OR3A2: variants seen among roughly 807,000 people sequenced by gnomAD.
OR3A2 encodes olfactory receptor family 3 subfamily A member 2.
For missense variants in OR3A2, 318 were observed against 392.8 expected (o/e 0.81, Z 1.61); for synonymous variants, 126 against 159.3 (o/e 0.79, Z 1.57).
At chr17:3,335,548 G>C (rs981732955) in intron 3 of OR3A2, among the ~76,000 whole-genome samples, 1 of 151,920 alleles carries the variant, frequency 6.6e-6, no homozygotes, top group South Asian at 2.1e-4. Context: ...ATGTGTTTCT[G>C]ATCTGCATCT....
intron 3 of OR3A2, among the ~76,000 whole-genome samples, chr17:3,300,841 CT>C (rs1346846132): frequency 0.012 from 1,609 of 136,634 alleles, 14 homozygotes; most frequent in Middle Eastern, 0.047. Context: ...TCCCTCCCCC[CT>C]CCCCCCATCC....
intron 3 of OR3A2, among the ~76,000 whole-genome samples, chr17:3,314,642 T>G (rs2150632592): frequency 6.6e-6 from 1 of 152,330 alleles, no homozygotes; most frequent in South Asian, 2.1e-4. Flanking sequence ...CTGGTATTAT[T>G]CAAAGTTTTT....
At chr17:3,383,679 AC>A (rs1313466551) in intron 2 of OR3A2, 4 of 152,164 alleles carry the variant, frequency 2.6e-5, no homozygotes, top group African/African-American at 9.7e-5. Flanking sequence ...CTCTGATGCT[AC>A]TACTCTATAC....
At chr17:3,315,183 T>C (rs2049071607) in intron 3 of OR3A2, among the ~76,000 whole-genome samples, 1 of 152,212 alleles carries the variant, frequency 6.6e-6, no homozygotes, top group Non-Finnish European at 1.5e-5. Context: ...AATGATTTAC[T>C]CTCCTTTGGA....
In OR3A2 at chr17:3,301,704, A is replaced by C. The variant is rs542133870; in HGVS notation, c.-84-22551T>G. Among the ~76,000 whole-genome samples the C allele has an allele frequency of 1.4e-3, 209 of 152,160 alleles. 1 individual carries two copies. The highest frequency in any genetic ancestry group is 4.8e-3 in the African/African-American group (200 of 41,514). On this transcript the variant is annotated intron_variant, in intron 3 of 4. Transcript: ENST00000573491. ...AGAAGCTCTTGTTTAATTAGGTCCC[A>C]TTTGTCAATTTTGGCTTTTGTTGCC...
chr17:3,297,692 T>C (rs1053860992), intron 3 of OR3A2, among the ~76,000 whole-genome samples: 5 of 147,912 alleles, frequency 3.4e-5, no homozygotes, highest in African/African-American at 1.3e-4. Context: ...GCATTCTTAA[T>C]GCCTTGTGTC....
intron 2 of OR3A2, among the ~76,000 whole-genome samples, chr17:3,372,544 G>T (rs1425153267): frequency 6.6e-6 from 1 of 152,064 alleles, no homozygotes; most frequent in East Asian, 1.9e-4. Flanking sequence ...ATTGAGCACT[G>T]AGTGAACGAG....
rs778268183 is a variant in OR3A2, at chr17:3,311,085, G to A, written c.-85+24948C>T. 12 of 543,750 alleles carry A rather than the reference G, an allele frequency of 2.2e-5. No homozygotes were observed. Among genetic ancestry groups the A allele is most frequent in the Admixed American group, 1.2e-4 (6 of 51,920 alleles). 33.7% of individuals were successfully genotyped at this position (543,750 alleles called of 1,614,324 possible). A position where few individuals can be genotyped will look rare whatever the true frequency, so the allele number is the denominator to read the frequency against. ...GGTGGGCATCTTCTATGGGACGGGC[G>A]TCTTCAGCTACACAAGGCTGGGTTC... On this transcript the variant is annotated intron_variant, in intron 3 of 4. Transcript: ENST00000573491. This position sits in a 1 kb window ranked among gnomAD's most constrained non-coding sequence, Gnocchi z 4.6.
chr17:3,369,448 G>A (rs566002159), intron 2 of OR3A2, among the ~76,000 whole-genome samples: 1 of 152,284 alleles, frequency 6.6e-6, no homozygotes, highest in Admixed American at 6.5e-5. Flanking sequence ...ATCATAAAAG[G>A]ATGCTGGATT....
intron 2 of OR3A2, among the ~76,000 whole-genome samples, chr17:3,354,931 A>G (rs1268003112): frequency 6.6e-6 from 1 of 151,162 alleles, no homozygotes; most frequent in Non-Finnish European, 1.5e-5. Flanking sequence ...CTTTTGCTCT[A>G]TCCCATAGGT....
At chr17:3,347,962 T>C (rs912754087) in intron 2 of OR3A2, among the ~76,000 whole-genome samples, 2 of 152,214 alleles carry the variant, frequency 1.3e-5, no homozygotes, top group South Asian at 2.1e-4. Context: ...TGGTATCTCA[T>C]TGTGGTTTTG....
At chr17:3,313,574 T>G (rs932779167) in intron 3 of OR3A2, among the ~76,000 whole-genome samples, 2 of 152,254 alleles carry the variant, frequency 1.3e-5, no homozygotes, top group African/African-American at 2.4e-5. Context: ...CTTTCTCAGG[T>G]AGGCAAAGTC....
At chr17:3,335,388 C>A (rs912610846) in intron 3 of OR3A2, among the ~76,000 whole-genome samples, 1 of 152,050 alleles carries the variant, frequency 6.6e-6, no homozygotes, top group African/African-American at 2.4e-5. Flanking sequence ...TCTTTTGATA[C>A]ATTTTATAAA....
chr17:3,357,733 T>C (rs1242515517), intron 2 of OR3A2, among the ~76,000 whole-genome samples: 1 of 151,520 alleles, frequency 6.6e-6, no homozygotes, highest in Non-Finnish European at 1.5e-5. Flanking sequence ...ATTTTTTTTA[T>C]AGAGAGACAG....
intron 2 of OR3A2, among the ~76,000 whole-genome samples, chr17:3,381,318 GTT>G (rs76590302): frequency 2.8e-5 from 4 of 143,370 alleles, no homozygotes; most frequent in Admixed American, 7.0e-5. Context: ...CAAACATAGG[GTT>G]TTTTTTTTTT....
chr17:3,317,920 G>A (rs1339668116), intron 3 of OR3A2, among the ~76,000 whole-genome samples: 3 of 152,016 alleles, frequency 2.0e-5, no homozygotes, highest in Non-Finnish European at 4.4e-5. Context: ...GCCTGTAGAA[G>A]CCACAGTGTC....
intron 3 of OR3A2, among the ~76,000 whole-genome samples, chr17:3,319,323 C>T (rs1399361850): frequency 6.7e-6 from 1 of 149,310 alleles, no homozygotes; most frequent in Non-Finnish European, 1.5e-5. Context: ...ATATATCTCT[C>T]TTGCTGCTGC....
At position 3,367,151 on chromosome 17, in the gene OR3A2, C is replaced by G. The variant is rs79728766; in HGVS notation, c.-179+16653G>C. Among the ~76,000 whole-genome samples, 1,223 of 152,338 alleles carry G rather than the reference C, an allele frequency of 8.0e-3. 12 individuals carry two copies. Among genetic ancestry groups the G allele is most frequent in the African/African-American group, 0.028 (1,145 of 41,580 alleles). ...GACCTATCAGGGCCACACCTTCAGA[C>G]TTGATCTGGATCTTCCATTTACAAG... On this transcript the variant is annotated intron_variant, in intron 2 of 4. Transcript: ENST00000573491.
chr17:3,309,097 G>A (rs1248736557), intron 3 of OR3A2, among the ~76,000 whole-genome samples: 1 of 151,994 alleles, frequency 6.6e-6, no homozygotes, highest in Non-Finnish European at 1.5e-5. Flanking sequence ...GTAGAGACGG[G>A]GTTTCACCAT....
Sources: gnomAD v4.1 joint callset for allele counts (sites outside exome capture counted in the v4.1 genomes callset) on GRCh38, gnomAD v4.1.1 for gene constraint, Gnocchi (gnomAD v3.1) non-coding constraint, MANE v1.5 for transcripts, NCBI Gene and HGNC (gene_info 2026-07-23, HGNC 2026-07-21) for gene names.